The following CBX8 variants were observed in gnomAD, a reference collection of about 807,000 sequenced individuals.
CBX8 encodes the protein chromobox protein homolog 8.
CBX8 carries 8 observed loss-of-function variants against 39.7 expected under a neutral mutation model. That is an observed-to-expected ratio of 0.20 (90% CI 0.12 to 0.36). The LOEUF (loss-of-function observed/expected upper bound fraction) is 0.36. Ranked by LOEUF, CBX8 falls within the 10% of genes least tolerant of loss-of-function variation. The pLI, the probability that CBX8 is intolerant of heterozygous loss-of-function variation, is 1.00. For synonymous variants in CBX8, 268 were observed against 219.8 expected (o/e 1.22, Z -1.94); for missense variants, 505 against 529.6 (o/e 0.95, Z 0.46).
chr17:79,795,211 C>T lies in CBX8; in HGVS notation c.594G>A (p.Lys198=), dbSNP rs1434448444. ...GCTCCTTCCGGGGCTTGGGGCCTCG[C>T]TTCTTCGAGCTGTCCCCCGGTGAGC... is the stretch of plus-strand genomic sequence containing the variant. ...KPSSPGDSSK[K]RGPKPRKELP... The change falls in exon 5 of 5, where the codon AAG becomes AAA. Residue 198 remains lysine (K), a synonymous_variant. Coordinates refer to ENST00000269385, the MANE Select transcript of CBX8 (RefSeq NM_020649.3). The surrounding 1 kb of genome is among the most constrained non-coding windows in gnomAD (Gnocchi z 5.8). 6.2e-7 allele frequency: 1 copy of T among 1,613,270 alleles called. No homozygotes were observed.
chr17:79,795,271 T>G lies in CBX8; in HGVS notation c.534A>C (p.Arg178=). The G allele has an allele frequency of 6.2e-7, 1 of 1,608,056 alleles. No homozygotes were observed. Among genetic ancestry groups the G allele is most frequent in the Non-Finnish European group, 8.5e-7 (1 of 1,177,458 alleles). ...RERERERERE[R]ERGTSRVDDK... ...CATCCACTCTGCTGGTACCCCGCTCTCGTTCCCTCTCACGTTCCCGCTCCC... is the reference window on the plus strand; with the variant it reads ...CATCCACTCTGCTGGTACCCCGCTCGCGTTCCCTCTCACGTTCCCGCTCCC... The change falls in exon 5 of 5, where the codon CGA becomes CGC. Residue 178 remains arginine, a synonymous_variant. Coordinates refer to ENST00000269385, the MANE Select transcript of CBX8 (RefSeq NM_020649.3). This position sits in a 1 kb window ranked among gnomAD's most constrained non-coding sequence, Gnocchi z 5.8.
intron 1 of CBX8, among the ~76,000 whole-genome samples, 171 bp downstream of exon 1, chr17:79,796,759 G>A (rs1266570568): frequency 1.5e-5 from 2 of 133,280 alleles, no homozygotes; most frequent in African/African-American, 5.9e-5. Context: ...GTGCATCGCT[G>A]CAAGTCTAAG....
In CBX8 at chr17:79,795,106, G is replaced by A. The variant is rs371617432; in HGVS notation, c.699C>T (p.Asp233=). 71 of 1,612,754 alleles carry A rather than the reference G, an allele frequency of 4.4e-5. No individual in the cohort carries two copies. Among genetic ancestry groups the A allele is most frequent in the Admixed American group, 1.3e-4 (8 of 59,850 alleles). Residue 233 remains aspartate, a synonymous_variant, in exon 5 of 5, where the codon GAC becomes GAT. Coordinates refer to ENST00000269385, the MANE Select transcript of CBX8 (RefSeq NM_020649.3). The surrounding 1 kb of genome is among the most constrained non-coding windows in gnomAD (Gnocchi z 5.8). Reference sequence around the variant, plus strand: ...GAAACTTTCCTGCCCCGGAAGGGGTGTCGTCCAGCTTCCTGCCCTTGAGGT... The same window carrying A: ...GAAACTTTCCTGCCCCGGAAGGGGTATCGTCCAGCTTCCTGCCCTTGAGGT... ...GEYLKGRKLD[D]TPSGAGKFPA... is the part of the protein sequence containing the mutation.
Position 79,795,914 on chromosome 17 carries a change from G to A in CBX8, c.246+143C>T, listed in dbSNP as rs750082514. On this transcript the variant is annotated intron_variant, in intron 4 of 4. Transcript: ENST00000269385. This position sits in a 1 kb window ranked among gnomAD's most constrained non-coding sequence, Gnocchi z 5.8. ...ACACAGTTGGTGCTGCTACTGACTT[G>A]GTGACATCTTGTCAGGGAACTCCCT... is the stretch of plus-strand genomic sequence containing the variant. 4 of 772,120 alleles carry A rather than the reference G, an allele frequency of 5.2e-6. No individual in the cohort carries two copies. Among genetic ancestry groups the A allele is most frequent in the Non-Finnish European group, 8.9e-6 (4 of 451,352 alleles). The allele number at this position is 772,120 out of a possible 1,614,324, so 47.8% of individuals were successfully genotyped here.
chr17:79,795,195 G>C lies in CBX8; in HGVS notation c.610C>G (p.Arg204Gly). 6.2e-7 allele frequency: 1 copy of C among 1,613,160 alleles called. No individual in the cohort carries two copies. The change falls in exon 5 of 5, where the codon CGG (arginine) becomes GGG (glycine). Residue 204 changes from arginine (R) to glycine (G), a missense_variant. Around this residue, in one of 3 missense-constraint regions of CBX8, gnomAD observed 456 missense variants for 389.2 expected, o/e 1.17. Coordinates refer to ENST00000269385, the MANE Select transcript of CBX8 (RefSeq NM_020649.3). The surrounding 1 kb of genome is among the most constrained non-coding windows in gnomAD (Gnocchi z 5.8). ...TGTGAGGGGTCCGGGAGCTCCTTCC[G>C]GGGCTTGGGGCCTCGCTTCTTCGAG... ...DSSKKRGPKP[R>G]KELPDPSQRP...
chr17:79,796,875 G>T, intron 1 of CBX8, 55 bp downstream of exon 1: 1 of 1,505,166 alleles, frequency 6.6e-7, no homozygotes. Flanking sequence ...GAGGGAACCC[G>T]GGCCGGGAGG....
chr17:79,794,540 CA>C lies in CBX8; in HGVS notation c.*94del. The C allele has an allele frequency of 2.0e-6, 2 of 997,698 alleles. No homozygotes were observed. Among genetic ancestry groups the C allele is most frequent in the Non-Finnish European group, 1.5e-6 (1 of 678,920 alleles). The allele number at this position is 997,698 out of a possible 1,614,324, so 61.8% of individuals were successfully genotyped here. A position where few individuals can be genotyped will look rare whatever the true frequency, so the allele number is the denominator to read the frequency against. On this transcript the variant is annotated 3_prime_UTR_variant, in exon 5 of 5. Coordinates refer to ENST00000269385, the MANE Select transcript of CBX8 (RefSeq NM_020649.3). The stretch of plus-strand genomic sequence containing the variant: ...GGGTGACATCAGGGACGGGACCAGC[CA>C]AAAGGCCACATCCCACCCAGAAATA...
Position 79,795,627 on chromosome 17 carries a change from T to A in CBX8, c.247-69A>T, listed in dbSNP as rs1363653943. Reference sequence around the variant, plus strand: ...CCACCCCCACAGGACTCCTCCTCTATCCCTGACCTCCTATCTTTACCCTAT... The same window carrying A: ...CCACCCCCACAGGACTCCTCCTCTAACCCTGACCTCCTATCTTTACCCTAT... On this transcript the variant is annotated intron_variant, in intron 4 of 4. Transcript: ENST00000269385. This position sits in a 1 kb window ranked among gnomAD's most constrained non-coding sequence, Gnocchi z 5.8. 9.8e-7 allele frequency: 1 copy of A among 1,025,006 alleles called. No individual in the cohort carries two copies. The highest frequency in any genetic ancestry group is 1.3e-6 in the Non-Finnish European group (1 of 789,722). The allele number at this position is 1,025,006 out of a possible 1,614,324, so 63.5% of individuals were successfully genotyped here.
At position 79,794,978 on chromosome 17, in the gene CBX8, G is replaced by C; in HGVS notation, c.827C>G (p.Ala276Gly). The C allele has an allele frequency of 6.2e-7, 1 of 1,605,422 alleles. No individual in the cohort carries two copies. The highest frequency in any genetic ancestry group is 8.5e-7 in the Non-Finnish European group (1 of 1,175,334). The change falls in exon 5 of 5, where the codon GCT becomes GGT. Residue 276 changes from alanine (A) to glycine (G), a missense_variant. By Grantham distance (60) the Ala-to-Gly change is moderately conservative (BLOSUM62 0). Coordinates refer to ENST00000269385, the MANE Select transcript of CBX8 (RefSeq NM_020649.3). ...CACCCTGGCCGGGAAGGTGTCCACAGCCAGTTTGCCCGTGGCCTCAGCTGA... is the reference window on the plus strand; with the variant it reads ...CACCCTGGCCGGGAAGGTGTCCACACCCAGTTTGCCCGTGGCCTCAGCTGA... Reference protein sequence around the residue: ...PSSAEATGKLAVDTFPARVIK... With the variant: ...PSSAEATGKLGVDTFPARVIK...
In CBX8 at chr17:79,794,840, C is replaced by T. The variant is rs765861025; in HGVS notation, c.965G>A (p.Arg322Gln). ...CCTTCCCCCCTGGGCCCCCATGTCC[C>T]GGTACAGGCCCCCCCCAGAGCTGGG... is the stretch of plus-strand genomic sequence containing the variant. ...GPPSSGGGLY[R>Q]DMGAQGGRPS... Residue 322 changes from arginine to glutamine, a missense_variant, in exon 5 of 5, where the codon CGG becomes CAG. This residue lies in a region of CBX8 where 456 missense variants were observed against 389.2 expected (regional missense o/e 1.17). Coordinates refer to ENST00000269385, the MANE Select transcript of CBX8 (RefSeq NM_020649.3). 1.3e-5 allele frequency: 21 copies of T among 1,608,012 alleles called. No individual in the cohort carries two copies. The highest frequency in any genetic ancestry group is 8.9e-5 in the East Asian group (4 of 44,812).
Position 79,795,544 on chromosome 17 carries a change from T to C in CBX8, c.261A>G (p.Ala87=). The C allele has an allele frequency of 2.0e-6, 3 of 1,522,218 alleles. No homozygotes were observed. The highest frequency in any genetic ancestry group is 2.6e-6 in the Non-Finnish European group (3 of 1,136,914). 94.3% of individuals were successfully genotyped at this position (1,522,218 alleles called of 1,614,324 possible). Residue 87 remains alanine, a synonymous_variant, in exon 5 of 5, where the codon GCA becomes GCG. Coordinates refer to ENST00000269385, the MANE Select transcript of CBX8 (RefSeq NM_020649.3). This position sits in a 1 kb window ranked among gnomAD's most constrained non-coding sequence, Gnocchi z 5.8. ...KTFLLKAQAK[A]KAKTYEFRSD... ...TTCGAAACTCGTAAGTTTTGGCCTT[T>C]GCCTTGGCCTGCGCCTGCAGGAGAG...
chr17:79,795,342 C>G lies in CBX8; in HGVS notation c.463G>C (p.Asp155His), dbSNP rs773925071. The change falls in exon 5 of 5, where the codon GAT becomes CAT. Residue 155 changes from aspartate to histidine, a missense_variant. Asp to His is a moderately conservative substitution (Grantham distance 81, BLOSUM62 -1). Around this residue, in one of 3 missense-constraint regions of CBX8, gnomAD observed 456 missense variants for 389.2 expected, o/e 1.17. Transcript: ENST00000269385. This position sits in a 1 kb window ranked among gnomAD's most constrained non-coding sequence, Gnocchi z 5.8. ...EAPRDRDRDRDRDRERDRERE... is the reference protein window; with the variant it reads ...EAPRDRDRDRHRDRERDRERE... ...TCTCGATCCCGCTCCCGGTCCCTAT[C>G]CCGGTCTCGGTCCCGGTCCCGAGGG... 7 of 1,588,916 alleles carry G rather than the reference C, an allele frequency of 4.4e-6. No individual in the cohort carries two copies. Among genetic ancestry groups the G allele is most frequent in the Non-Finnish European group, 5.1e-6 (6 of 1,167,558 alleles).
In CBX8 at chr17:79,796,955, G is replaced by A; in HGVS notation, c.44C>T (p.Ala15Val). 2 of 1,610,868 alleles carry A rather than the reference G, an allele frequency of 1.2e-6. No homozygotes were observed. Among genetic ancestry groups the A allele is most frequent in the South Asian group, 2.2e-5 (2 of 90,598 alleles). Residue 15 changes from alanine (A) to valine (V), a missense_variant, in exon 1 of 5, where the codon GCC becomes GTC. Coordinates refer to ENST00000269385, the MANE Select transcript of CBX8 (RefSeq NM_020649.3). ...TTTCCGTATGCGCCGCTTCAGGAGG[G>A]CTTCGGCCGCGAACACCCGCTCCCC... Reference protein sequence around the residue: ...AVGERVFAAEALLKRRIRKGR... With the variant: ...AVGERVFAAEVLLKRRIRKGR...
rs762950617 is a variant in CBX8, at chr17:79,797,017, C to G, written c.-19G>C. ...GCTCCATGTTGACTCGCCGCTTCCC[C>G]CCTTGGCCGCTTCCAGGAGCAGAAA... is the stretch of plus-strand genomic sequence containing the variant. On this transcript the variant is annotated 5_prime_UTR_variant, in exon 1 of 5. Coordinates refer to ENST00000269385, the MANE Select transcript of CBX8 (RefSeq NM_020649.3). 6 of 1,604,256 alleles carry G rather than the reference C, an allele frequency of 3.7e-6. No homozygotes were observed. The highest frequency in any genetic ancestry group is 2.7e-5 in the African/African-American group (2 of 74,198).
rs759911826 is a variant in CBX8 at position 79,796,488 on chromosome 17, C to T, written c.113+9G>A. ...GTCTGGGGTTGAGAATTGCATATAA[C>T]CTACTTACTTCTGCGACCATCCCTT... On this transcript the variant is annotated intron_variant, in intron 2 of 4. Transcript: ENST00000269385. The T allele has an allele frequency of 1.2e-5, 20 of 1,614,174 alleles. No homozygotes were observed. Among genetic ancestry groups the T allele is most frequent in the Admixed American group, 5.0e-5 (3 of 60,020 alleles).
Position 79,796,662 on chromosome 17 carries a change from G to A in CBX8, c.70-122C>T, listed in dbSNP as rs149089736. The A allele has an allele frequency of 3.1e-3, 3,437 of 1,121,542 alleles. 11 individuals are homozygous for A. The highest frequency in any genetic ancestry group is 4.1e-3 in the Non-Finnish European group (3,020 of 741,216). 69.5% of individuals were successfully genotyped at this position (1,121,542 alleles called of 1,614,324 possible). A position where few individuals can be genotyped will look rare whatever the true frequency, so the allele number is the denominator to read the frequency against. On this transcript the variant is annotated intron_variant, in intron 1 of 4. Transcript: ENST00000269385. ...CGAAACCCCGCCGCAAAAGGCACGC[G>A]CCCGCTGCATCACCCCTGCACCTAA... is the stretch of plus-strand genomic sequence containing the variant.
intron 1 of CBX8, 65 bp from the exon 2 acceptor site, chr17:79,796,605 G>T: frequency 6.3e-7 from 1 of 1,581,620 alleles, no homozygotes; most frequent in Non-Finnish European, 8.7e-7. Flanking sequence ...TACAAGAAAT[G>T]CATGCGAAAA....
At chr17:79,796,604 T>A (rs887539788) in intron 1 of CBX8, 64 bp from the exon 2 acceptor site, 1 of 1,585,292 alleles carries the variant, frequency 6.3e-7, no homozygotes, top group African/African-American at 1.3e-5. Context: ...ATACAAGAAA[T>A]GCATGCGAAA....
In CBX8 at chr17:79,795,337, CCTATCCCGGTCT is replaced by C; in HGVS notation, c.456_467del (p.Asp155_Arg158del). On this transcript the variant is annotated inframe_deletion, in exon 5 of 5. Coordinates refer to ENST00000269385, the MANE Select transcript of CBX8 (RefSeq NM_020649.3). The surrounding 1 kb of genome is among the most constrained non-coding windows in gnomAD (Gnocchi z 5.8). ...CCCTTTCTCGATCCCGCTCCCGGTC[CCTATCCCGGTCT>C]CGGTCCCGGTCCCGAGGGGCCTCTG... 1 of 1,585,018 alleles carries C rather than the reference CCTATCCCGGTCT, an allele frequency of 6.3e-7. No individual in the cohort carries two copies. The highest frequency in any genetic ancestry group is 8.6e-7 in the Non-Finnish European group (1 of 1,164,376).
Sources: gnomAD v4.1 joint callset for allele counts (sites outside exome capture counted in the v4.1 genomes callset) on GRCh38, gnomAD v4.1.1 for gene constraint, gnomAD v4.1.1 regional missense constraint, Gnocchi (gnomAD v3.1) non-coding constraint, MANE v1.5 for transcripts, NCBI Gene and HGNC (gene_info 2026-07-23, HGNC 2026-07-21) for gene names.